The following SYK variants were observed in gnomAD, a reference collection of about 807,000 sequenced individuals.
SYK encodes the protein spleen associated tyrosine kinase, also known as tyrosine-protein kinase SYK.
In SYK, 16 loss-of-function variants were observed where a neutral mutation model predicts 77.8. The ratio of observed to expected loss-of-function variants is 0.21; its 90% CI spans 0.14 to 0.31. The LOEUF (loss-of-function observed/expected upper bound fraction) is 0.31, where lower values mean the gene tolerates loss of function less well. Ranked by LOEUF, SYK falls within the 10% of genes least tolerant of loss-of-function variation. The pLI is 1.00. For synonymous variants in SYK, 312 were observed against 308.7 expected (o/e 1.01, Z -0.11); for missense variants, 529 against 814.4 (o/e 0.65, Z 4.26).
chr9:90,855,855 G>T (rs1199595864), intron 3 of SYK, among the ~76,000 whole-genome samples: 1 of 152,160 alleles, frequency 6.6e-6, no homozygotes. Context: ...CTCAAATGAT[G>T]CTGATGCTGC....
At chr9:90,864,359 C>CT (rs1196606885) in intron 4 of SYK, among the ~76,000 whole-genome samples, 1 of 152,190 alleles carries the variant, frequency 6.6e-6, no homozygotes, top group Non-Finnish European at 1.5e-5. Context: ...TAAAATACCA[C>CT]TTTCTGGCCC....
chr9:90,805,672 T>A (rs147252750), intron 1 of SYK, among the ~76,000 whole-genome samples: 46 of 152,376 alleles, frequency 3.0e-4, no homozygotes, highest in African/African-American at 9.6e-4. Flanking sequence ...ATCTTTATTT[T>A]CCCATGGTCA....
intron 1 of SYK, among the ~76,000 whole-genome samples, chr9:90,821,751 C>T (rs1338725362): frequency 6.6e-6 from 1 of 152,142 alleles, no homozygotes; most frequent in Non-Finnish European, 1.5e-5. Flanking sequence ...TACTTAGTGC[C>T]GTATTTTTTG....
intron 1 of SYK, among the ~76,000 whole-genome samples, chr9:90,821,817 C>G (rs539345001): frequency 8.5e-5 from 13 of 152,202 alleles, no homozygotes; most frequent in African/African-American, 3.1e-4. Context: ...GTACCCCCAG[C>G]TGAAGTGCTA....
rs191406793 is a variant in SYK, at chr9:90,809,090, G to A, written c.-42+7197G>A. ...CCAATCAGCTGATGGTCATGGCTAC[G>A]TGAAGGAACTCACAGTGAGGGCTCA... On this transcript the variant is annotated intron_variant, in intron 1 of 13. Transcript: ENST00000375754. Among the ~76,000 whole-genome samples the A allele has an allele frequency of 8.3e-4, 126 of 152,294 alleles. 1 individual carries two copies. Among genetic ancestry groups the A allele is most frequent in the East Asian group, 1.4e-3 (7 of 5,178 alleles).
intron 4 of SYK, 145 bp from the exon 5 acceptor site, chr9:90,864,443 CT>C (rs1247229202): frequency 5.8e-6 from 4 of 684,950 alleles, no homozygotes; most frequent in Non-Finnish European, 4.9e-6. Context: ...CCCAGCCACC[CT>C]TGTGGAGTGG....
At chr9:90,889,530 C>T (rs73650273) in intron 13 of SYK, among the ~76,000 whole-genome samples, 296 of 152,344 alleles carry the variant, frequency 1.9e-3, no homozygotes, top group African/African-American at 6.8e-3. Context: ...CCTGGGATTC[C>T]GAGACCTCCC....
At chr9:90,810,780 G>A (rs1825043093) in intron 1 of SYK, among the ~76,000 whole-genome samples, 1 of 152,118 alleles carries the variant, frequency 6.6e-6, no homozygotes, top group Non-Finnish European at 1.5e-5. Context: ...GAAGACTCAG[G>A]GAAGAAATGT....
At chr9:90,867,473 G>A (rs1417727799) in intron 7 of SYK, among the ~76,000 whole-genome samples, 1 of 152,208 alleles carries the variant, frequency 6.6e-6, no homozygotes, top group Non-Finnish European at 1.5e-5. Flanking sequence ...AGTCGTTTCA[G>A]TTGGCGTCAT....
intron 11 of SYK, among the ~76,000 whole-genome samples, chr9:90,881,679 C>CAAAAAAAAA (rs10526591): frequency 3.4e-5 from 3 of 89,402 alleles, no homozygotes; most frequent in African/African-American, 1.1e-4. Context: ...GACTCTGTCT[C>CAAAAAAAAA]AAAAAAAAAA....
At chr9:90,856,677 G>GT (rs1201184197) in intron 3 of SYK, among the ~76,000 whole-genome samples, 2 of 151,902 alleles carry the variant, frequency 1.3e-5, no homozygotes, top group African/African-American at 2.4e-5. Flanking sequence ...CCATGGTTCC[G>GT]TTTTTTATTT....
chr9:90,860,438 TTGTTG>T (rs3056953), intron 3 of SYK, among the ~76,000 whole-genome samples: 82,765 of 151,380 alleles, frequency 0.55, 24,178 homozygotes, highest in East Asian at 0.92. Context: ...ATGTGGTTTT[TTGTTG>T]TGTTGTGTTG....
At chr9:90,886,202 G>GA (rs1828568710) in intron 11 of SYK, among the ~76,000 whole-genome samples, 1 of 152,146 alleles carries the variant, frequency 6.6e-6, no homozygotes, top group Non-Finnish European at 1.5e-5. Context: ...ACAGGTATAT[G>GA]AAAAAATGCT....
At chr9:90,860,776 C>G (rs1827225095) in intron 3 of SYK, among the ~76,000 whole-genome samples, 1 of 152,142 alleles carries the variant, frequency 6.6e-6, no homozygotes, top group African/African-American at 2.4e-5. Flanking sequence ...GTCTCCATGG[C>G]AAGGGACAGG....
intron 9 of SYK, among the ~76,000 whole-genome samples, chr9:90,876,476 A>G (rs1432971608): frequency 6.6e-6 from 1 of 152,168 alleles, no homozygotes; most frequent in African/African-American, 2.4e-5. Context: ...TACACACACA[A>G]TCAAAATTGG....
chr9:90,838,501 A>G (rs1220071954), intron 1 of SYK, among the ~76,000 whole-genome samples: 1 of 152,242 alleles, frequency 6.6e-6, no homozygotes. Flanking sequence ...TTGTGTCACA[A>G]AAAAGGTCTC....
chr9:90,805,214 T>G (rs1824774546), intron 1 of SYK, among the ~76,000 whole-genome samples: 1 of 152,200 alleles, frequency 6.6e-6, no homozygotes, highest in African/African-American at 2.4e-5. Context: ...GTTAAGAATG[T>G]TGATGATTAC....
chr9:90,819,029 A>G (rs1364426359), intron 1 of SYK, among the ~76,000 whole-genome samples: 4 of 152,254 alleles, frequency 2.6e-5, no homozygotes, highest in Non-Finnish European at 4.4e-5. Flanking sequence ...TAGAAAACCA[A>G]ATGAATACAG....
chr9:90,888,575 G>T lies in SYK; in HGVS notation c.1783G>T (p.Ala595Ser), dbSNP rs1828668391. The change falls in exon 13 of 14, where the codon GCA becomes TCA. Residue 595 changes from alanine (A) to serine (S), a missense_variant. Around this residue, in one of 2 missense-constraint regions of SYK, gnomAD observed 208 missense variants for 381.3 expected, o/e 0.55. Transcript: ENST00000375754. ...LEKGERMGCPAGCPREMYDLM... is the reference protein window; with the variant it reads ...LEKGERMGCPSGCPREMYDLM... ...GAAAGGAGAGCGGATGGGGTGCCCT[G>T]CAGGGTGTCCAAGAGAGATGTACGA... 6.2e-7 allele frequency: 1 copy of T among 1,612,326 alleles called. No homozygotes were observed. Among genetic ancestry groups the T allele is most frequent in the Non-Finnish European group, 8.5e-7 (1 of 1,179,352 alleles).
Sources: allele counts gnomAD v4.1 joint callset (sites outside exome capture counted in the v4.1 genomes callset), GRCh38; gene constraint gnomAD v4.1.1; regional missense constraint gnomAD v4.1.1; transcripts MANE v1.5; gene names NCBI Gene and HGNC (gene_info 2026-07-23, HGNC 2026-07-21).